Variants in RIMBP2 observed in about 807,000 individuals in gnomAD.
The protein encoded by RIMBP2 is RIMS binding protein 2, also known as RIMS-binding protein 2.
Under a neutral mutation model 118.6 loss-of-function variants are expected in RIMBP2, and 48 were observed. The observed-to-expected ratio is 0.40, with a 90% CI of 0.32 to 0.51. The LOEUF (loss-of-function observed/expected upper bound fraction) is 0.51. Ranked by LOEUF, RIMBP2 falls within the 20% of genes least tolerant of loss-of-function variation. The probability of loss-of-function intolerance (pLI) is 0.41; values close to 1 mark genes in which losing one functional copy is unlikely to be tolerated. For synonymous variants in RIMBP2, 762 were observed against 742.9 expected, an observed-to-expected ratio of 1.03 and a Z score of -0.42; for missense variants, 1,551 against 1,768.3, an observed-to-expected ratio of 0.88 and a Z score of 2.20.
At chr12:130,426,189 G>A (rs2076775836) in intron 15 of RIMBP2, 1 of 152,260 alleles carries the variant, frequency 6.6e-6, no homozygotes, top group Non-Finnish European at 1.5e-5. Flanking sequence ...ACTGCCACGT[G>A]AGAACGTGTG....
At chr12:130,551,323 A>G (rs1455363638) in intron 2 of RIMBP2, among the ~76,000 whole-genome samples, 2 of 152,222 alleles carry the variant, frequency 1.3e-5, no homozygotes. Context: ...AACAATTCAT[A>G]TAATTGTGCT....
rs1165590703 is a variant in RIMBP2 at position 130,623,693 on chromosome 12, T to C, written c.-217+4629A>G. 1.3e-5 allele frequency among the ~76,000 whole-genome samples: 2 copies of C among 152,142 alleles called. No homozygotes were observed. Among genetic ancestry groups the C allele is most frequent in the Non-Finnish European group, 2.9e-5 (2 of 68,030 alleles). On this transcript the variant is annotated intron_variant, in intron 2 of 22. Transcript: ENST00000690449. This position sits in a 1 kb window ranked among gnomAD's most constrained non-coding sequence, Gnocchi z 4.1. ...CCACCAACACCTGCATTTCTGTGCC[T>C]GGGGGCTCCATCTAGCTGAGACCCA...
intron 4 of RIMBP2, among the ~76,000 whole-genome samples, chr12:130,497,509 G>A (rs547515980): frequency 3.3e-5 from 5 of 152,304 alleles, no homozygotes; most frequent in African/African-American, 7.2e-5. Flanking sequence ...ACTGTCTCAC[G>A]GGCCATGGGA....
At chr12:130,597,507 C>G (rs556181559) in intron 2 of RIMBP2, among the ~76,000 whole-genome samples, 1 of 152,350 alleles carries the variant, frequency 6.6e-6, no homozygotes, top group South Asian at 2.1e-4. Flanking sequence ...TCCCAAAGTG[C>G]TGGGATTACA....
At chr12:130,503,183 G>T (rs1027701009) in intron 4 of RIMBP2, among the ~76,000 whole-genome samples, 3 of 151,696 alleles carry the variant, frequency 2.0e-5, no homozygotes, top group African/African-American at 7.3e-5. Flanking sequence ...CTTAAAGTCA[G>T]GAGTTCAAAA....
rs1215448921 is a variant in RIMBP2, at chr12:130,703,807, T to C, written c.-352+12415A>G. Among the ~76,000 whole-genome samples the C allele has an allele frequency of 6.7e-6, 1 of 148,212 alleles. No homozygotes were observed. The highest frequency in any genetic ancestry group is 2.6e-5 in the African/African-American group (1 of 38,830). On this transcript the variant is annotated intron_variant, in intron 1 of 22. Transcript: ENST00000690449. This position sits in a 1 kb window ranked among gnomAD's most constrained non-coding sequence, Gnocchi z 5.7. Reference sequence around the variant, plus strand: ...AAAACAGCACCCACAATTGAACAGCTTAGGAAATACAGAGAGAGAGAGAGA... The same window carrying C: ...AAAACAGCACCCACAATTGAACAGCCTAGGAAATACAGAGAGAGAGAGAGA...
chr12:130,602,333 T>C (rs2059925036), intron 2 of RIMBP2, among the ~76,000 whole-genome samples: 1 of 152,152 alleles, frequency 6.6e-6, no homozygotes, highest in South Asian at 2.1e-4. Flanking sequence ...CCTTATCCAT[T>C]TCAGCTCTGA....
chr12:130,427,126 T>G (rs190886865), intron 15 of RIMBP2: 1 of 152,336 alleles, frequency 6.6e-6, no homozygotes, highest in African/African-American at 2.4e-5. Flanking sequence ...AGAACATAAG[T>G]CAGTCTTGTC....
chr12:130,402,087 G>A (rs1010733695), intron 21 of RIMBP2, among the ~76,000 whole-genome samples: 11 of 152,174 alleles, frequency 7.2e-5, no homozygotes, highest in Non-Finnish European at 1.6e-4. Context: ...TAAAATCCAC[G>A]TCAGAACGCA....
At chr12:130,453,767 G>A (rs2079192132) in intron 7 of RIMBP2, among the ~76,000 whole-genome samples, 1 of 152,226 alleles carries the variant, frequency 6.6e-6, no homozygotes, top group Non-Finnish European at 1.5e-5. Context: ...GAAATGCTGG[G>A]TTGTAGGCCA....
chr12:130,714,300 T>C (rs1254030589), intron 1 of RIMBP2, among the ~76,000 whole-genome samples: 1 of 152,156 alleles, frequency 6.6e-6, no homozygotes, highest in Non-Finnish European at 1.5e-5. Context: ...GCTTGTCTTT[T>C]CATCTTCATG....
chr12:130,398,060 A>G (rs2074202164), intron 22 of RIMBP2: 1 of 152,764 alleles, frequency 6.5e-6, no homozygotes, highest in South Asian at 2.1e-4. Context: ...AAAAAACTAA[A>G]ATGAACCTTA....
chr12:130,510,666 G>C (rs988240306), intron 3 of RIMBP2, among the ~76,000 whole-genome samples: 9 of 152,094 alleles, frequency 5.9e-5, no homozygotes, highest in African/African-American at 1.9e-4. Flanking sequence ...ACAAGGTTTT[G>C]TCATGTTGGC....
chr12:130,575,949 C>A (rs529375111), intron 2 of RIMBP2, among the ~76,000 whole-genome samples: 7 of 152,210 alleles, frequency 4.6e-5, no homozygotes, highest in African/African-American at 1.4e-4. Context: ...GTTAACAGGA[C>A]ACCCCCGGAT....
chr12:130,707,782 G>A (rs572829813), intron 1 of RIMBP2, among the ~76,000 whole-genome samples: 4 of 152,210 alleles, frequency 2.6e-5, no homozygotes, highest in South Asian at 2.1e-4. Context: ...GAGGCGGCCC[G>A]AGCAAGAAGA....
In RIMBP2 at chr12:130,510,537, C is replaced by T. The variant is rs542546713; in HGVS notation, c.-126-3767G>A. Among the ~76,000 whole-genome samples the T allele has an allele frequency of 3.3e-5, 5 of 152,184 alleles. No homozygotes were observed. The South Asian group carries it at 1.0e-3, about 32-fold the overall frequency. On this transcript the variant is annotated intron_variant, in intron 3 of 22. Transcript: ENST00000690449. ...AGGCTGGAGTGCAGTGATGCAATCT[C>T]GGCTCACTGCAACCTCCACCTCCTG... is the stretch of plus-strand genomic sequence containing the variant.
At chr12:130,664,193 T>C (rs1051701673) in intron 1 of RIMBP2, among the ~76,000 whole-genome samples, 2 of 151,624 alleles carry the variant, frequency 1.3e-5, no homozygotes, top group Admixed American at 6.6e-5. Flanking sequence ...CAGATAAATA[T>C]GTATGTTGCC....
In RIMBP2 at chr12:130,598,263, G is replaced by A. The variant is rs140832658; in HGVS notation, c.-217+30059C>T. Among the ~76,000 whole-genome samples, 554 of 152,256 alleles carry A rather than the reference G, an allele frequency of 3.6e-3. 2 individuals carry two copies. The highest frequency in any genetic ancestry group is 0.012 in the African/African-American group (518 of 41,554). ...CTAAATAAGCAGAGAGATATCTTGC[G>A]TTTGTGGATCGGAAGAATCTATGTT... On this transcript the variant is annotated intron_variant, in intron 2 of 22. Transcript: ENST00000690449.
At chr12:130,481,141 G>C (rs1318184108) in intron 4 of RIMBP2, among the ~76,000 whole-genome samples, 1 of 149,752 alleles carries the variant, frequency 6.7e-6, no homozygotes, top group African/African-American at 2.5e-5. Flanking sequence ...CCCCTCGGGA[G>C]GAGGCAGGTG....
Sources: allele counts gnomAD v4.1 joint callset (sites outside exome capture counted in the v4.1 genomes callset), GRCh38; gene constraint gnomAD v4.1.1; non-coding constraint Gnocchi (gnomAD v3.1); transcripts MANE v1.5; gene names NCBI Gene and HGNC (gene_info 2026-07-23, HGNC 2026-07-21).